SLC38A8: variants seen among roughly 807,000 people sequenced by gnomAD.
The protein encoded by SLC38A8 is solute carrier family 38 member 8.
SLC38A8 carries 65 observed loss-of-function variants against 46.0 expected under a neutral mutation model. The ratio of observed to expected loss-of-function variants is 1.41; its 90% CI spans 1.16 to 1.74. The LOEUF (loss-of-function observed/expected upper bound fraction) is 1.74. SLC38A8 is among the 40% of genes most tolerant of loss of function. The pLI, the probability that SLC38A8 is intolerant of heterozygous loss-of-function variation, is 0.00. For synonymous variants in SLC38A8, 447 were observed against 243.7 expected, an observed-to-expected ratio of 1.83 and a Z score of -7.77; for missense variants, 998 against 567.9, an observed-to-expected ratio of 1.76 and a Z score of -7.70.
At chr16:84,032,122 G>A (rs1289634643) in intron 4 of SLC38A8, among the ~76,000 whole-genome samples, 154 bp from the exon 5 acceptor site, 1 of 152,206 alleles carries the variant, frequency 6.6e-6, no homozygotes, top group South Asian at 2.1e-4. Flanking sequence ...TCTGTACAGG[G>A]GGCATGTGGG....
chr16:84,041,939 G>A (rs150074315), intron 2 of SLC38A8, 30 bp downstream of exon 2: 59 of 1,536,702 alleles, frequency 3.8e-5, no homozygotes, highest in Middle Eastern at 4.2e-4. Context: ...CCTCGTACCC[G>A]TCCCCAGGAC....
intron 6 of SLC38A8, among the ~76,000 whole-genome samples, chr16:84,023,862 C>A (rs1597261005): frequency 6.6e-6 from 1 of 152,198 alleles, no homozygotes; most frequent in South Asian, 2.1e-4. Flanking sequence ...CCACTGCACT[C>A]CAGCCTGAAA....
intron 2 of SLC38A8, among the ~76,000 whole-genome samples, chr16:84,040,884 G>A (rs1207482846): frequency 2.6e-5 from 4 of 152,302 alleles, no homozygotes; most frequent in South Asian, 4.1e-4. Context: ...ACCACACTGC[G>A]TCATCCATCC....
Position 84,013,437 on chromosome 16 carries a change from T to TG in SLC38A8, c.1163-386_1163-385insC, listed in dbSNP as rs1430278462. On this transcript the variant is annotated intron_variant, in intron 9 of 10. Coordinates refer to ENST00000299709, the MANE Select transcript of SLC38A8 (RefSeq NM_001080442.3). ...TGTTGTGTGTGTGTTTTTTTTTTTT[T>TG]TTTTTTTTTTTTGAGACGGAGTCTC... Among the ~76,000 whole-genome samples, 7 of 132,874 alleles carry TG rather than the reference T, an allele frequency of 5.3e-5. No individual in the cohort carries two copies. The East Asian group carries it at 6.2e-4, about 12-fold the overall frequency. The allele number at this position is 132,874 out of a possible 152,430, so 87.2% of individuals were successfully genotyped here. A position where few individuals can be genotyped will look rare whatever the true frequency, so the allele number is the denominator to read the frequency against.
chr16:84,039,598 T>G (rs1196596298), intron 2 of SLC38A8, among the ~76,000 whole-genome samples: 1 of 151,884 alleles, frequency 6.6e-6, no homozygotes, highest in African/African-American at 2.4e-5. Context: ...CACAAAAAAC[T>G]AGCAGGGTGT....
chr16:84,011,938 G>A (rs926277850), intron 10 of SLC38A8, among the ~76,000 whole-genome samples: 3 of 152,264 alleles, frequency 2.0e-5, no homozygotes, highest in Admixed American at 1.3e-4. Flanking sequence ...GACACAGGGA[G>A]AAAGCTAAAT....
chr16:84,009,941 C>T, intron 10 of SLC38A8, 64 bp from the exon 11 acceptor site: 1 of 1,454,042 alleles, frequency 6.9e-7, no homozygotes, highest in Non-Finnish European at 9.5e-7. Context: ...GCCACACACA[C>T]ATAAAAAATT....
intron 9 of SLC38A8, among the ~76,000 whole-genome samples, 196 bp downstream of exon 9, chr16:84,016,323 T>A (rs191009564): frequency 4.5e-4 from 68 of 152,252 alleles, no homozygotes; most frequent in African/African-American, 1.5e-3. Flanking sequence ...GCTAATGAGA[T>A]GTTTAATGAG....
chr16:84,035,125 T>C (rs574068594), intron 3 of SLC38A8, among the ~76,000 whole-genome samples: 18 of 152,322 alleles, frequency 1.2e-4, no homozygotes, highest in African/African-American at 4.3e-4. Flanking sequence ...TCATCCGTCC[T>C]CTGACTAGTC....
chr16:84,038,187 T>G (rs1030806449), intron 2 of SLC38A8, among the ~76,000 whole-genome samples: 3 of 152,004 alleles, frequency 2.0e-5, no homozygotes, highest in Non-Finnish European at 2.9e-5. Context: ...GGCACATGCC[T>G]GTAATTCCAG....
At chr16:84,010,510 G>A (rs1036095117) in intron 10 of SLC38A8, among the ~76,000 whole-genome samples, 12 of 152,124 alleles carry the variant, frequency 7.9e-5, no homozygotes, top group Non-Finnish European at 5.9e-5. Context: ...GGAGGCTGAG[G>A]CAGGCGGATT....
At chr16:84,026,351 C>A (rs1171212554) in intron 6 of SLC38A8, among the ~76,000 whole-genome samples, 1 of 152,184 alleles carries the variant, frequency 6.6e-6, no homozygotes, top group South Asian at 2.1e-4. Flanking sequence ...TTCAGCCTCC[C>A]AAGTAGCTGG....
intron 3 of SLC38A8, among the ~76,000 whole-genome samples, chr16:84,034,449 C>G (rs771073050): frequency 1.3e-5 from 2 of 152,150 alleles, no homozygotes; most frequent in Non-Finnish European, 2.9e-5. Flanking sequence ...GGGGAAAGCA[C>G]AGGCGAGTGG....
chr16:84,020,079 T>C (rs916201718), intron 7 of SLC38A8, among the ~76,000 whole-genome samples: 3 of 151,932 alleles, frequency 2.0e-5, no homozygotes, highest in Non-Finnish European at 4.4e-5. Flanking sequence ...ATGACTCCAC[T>C]AGGCATTGCC....
chr16:84,026,428 T>C (rs910767293), intron 6 of SLC38A8, among the ~76,000 whole-genome samples: 17 of 152,170 alleles, frequency 1.1e-4, no homozygotes, highest in African/African-American at 3.9e-4. Context: ...GGTTTCACCA[T>C]GTTGGCCAGG....
intron 2 of SLC38A8, among the ~76,000 whole-genome samples, chr16:84,040,356 G>A (rs909777005): frequency 6.6e-6 from 1 of 152,202 alleles, no homozygotes; most frequent in Non-Finnish European, 1.5e-5. Flanking sequence ...TGAGTGAAGG[G>A]ATCTGGAGCT....
chr16:84,013,808 C>G (rs1294541170), intron 9 of SLC38A8, among the ~76,000 whole-genome samples: 1 of 151,644 alleles, frequency 6.6e-6, no homozygotes, highest in African/African-American at 2.4e-5. Context: ...AGGATCCTCT[C>G]TCAACTCAAA....
intron 8 of SLC38A8, among the ~76,000 whole-genome samples, chr16:84,016,938 G>C (rs971504099): frequency 6.6e-6 from 1 of 152,190 alleles, no homozygotes; most frequent in Non-Finnish European, 1.5e-5. Flanking sequence ...CACGTGGTTC[G>C]CATTCCAGTC....
At chr16:84,024,346 A>G (rs1567696471) in intron 6 of SLC38A8, among the ~76,000 whole-genome samples, 1 of 152,000 alleles carries the variant, frequency 6.6e-6, no homozygotes, top group Non-Finnish European at 1.5e-5. Flanking sequence ...TATTGGGGTA[A>G]GCATTTTTTT....
Sources: gnomAD v4.1 joint callset for allele counts (sites outside exome capture counted in the v4.1 genomes callset) on GRCh38, gnomAD v4.1.1 for gene constraint, MANE v1.5 for transcripts, NCBI Gene and HGNC (gene_info 2026-07-23, HGNC 2026-07-21) for gene names.